SHISA5: variants seen among roughly 807,000 people sequenced by gnomAD.
SHISA5 encodes the protein protein shisa-5.
In SHISA5, 21 loss-of-function variants were observed where a neutral mutation model predicts 27.5. That is an observed-to-expected ratio of 0.76 (90% CI 0.54 to 1.10). SHISA5 has a LOEUF of 1.10. Among genes scored for constraint, SHISA5 ranks in the 50% least tolerant of loss-of-function variants. SHISA5 has a pLI of 0.00. For missense variants in SHISA5, 314 were observed against 336.3 expected (o/e 0.93, Z 0.52); for synonymous variants, 137 against 142.2 (o/e 0.96, Z 0.26).
intron 3 of SHISA5, among the ~76,000 whole-genome samples, chr3:48,474,377 C>T (rs1262300661): frequency 6.6e-6 from 1 of 151,378 alleles, no homozygotes; most frequent in Non-Finnish European, 1.5e-5. Context: ...TCTCTGTCAC[C>T]CAGGCTGGAG....
chr3:48,492,369 C>T lies in SHISA5; in HGVS notation c.233+8768G>A, dbSNP rs1398395425. Among the ~76,000 whole-genome samples, 2 of 149,892 alleles carry T rather than the reference C, an allele frequency of 1.3e-5. 1 individual carries two copies. On this transcript the variant is annotated intron_variant, in intron 2 of 5. Transcript: ENST00000296444. ...CCTGTAGTCCCAGCTACTCAAGAGG[C>T]TGAGGCAGGAGAATGGCGTGAACCC...
At chr3:48,487,701 C>T (rs1416253292) in intron 2 of SHISA5, among the ~76,000 whole-genome samples, 1 of 152,102 alleles carries the variant, frequency 6.6e-6, no homozygotes, top group Non-Finnish European at 1.5e-5. Context: ...TCAAGGCCAG[C>T]CTGGCCAACA....
Position 48,479,253 on chromosome 3 carries a change from G to A in SHISA5, c.238C>T (p.Pro80Ser). The A allele has an allele frequency of 6.2e-7, 1 of 1,606,298 alleles. No individual in the cohort carries two copies. ...TGCTCCACCGGCTCTACACTGGCAG[G>A]CACGCTGCAAACAGGAAACCTTGTG... ...ERCAVPEASV[P>S]ASVEPVEQLG... The change falls in exon 3 of 6, where the codon CCT (proline) becomes TCT (serine). Residue 80 changes from proline to serine, a missense_variant. Transcript: ENST00000296444.
At chr3:48,471,908 TA>T (rs577529955) in intron 3 of SHISA5, among the ~76,000 whole-genome samples, 233 of 150,930 alleles carry the variant, frequency 1.5e-3, no homozygotes, top group African/African-American at 5.4e-3. Context: ...AAAATAAAAA[TA>T]AAAAACTGGC....
chr3:48,502,399 G>T (rs1277721774), intron 1 of SHISA5: 1 of 456,724 alleles, frequency 2.2e-6, no homozygotes, highest in African/African-American at 2.0e-5. Flanking sequence ...CCTTCCAGGA[G>T]TTTGAGACCA....
Position 48,482,434 on chromosome 3 carries a change from T to C in SHISA5, c.234-3177A>G, listed in dbSNP as rs142957609. On this transcript the variant is annotated intron_variant, in intron 2 of 5. Transcript: ENST00000296444. ...ACAATAAATAAATAAAATAACATAA[T>C]AACATTATTTGGATTCCGATTTGGA... 1.2e-3 allele frequency among the ~76,000 whole-genome samples: 185 copies of C among 152,120 alleles called. 1 individual carries two copies. Among genetic ancestry groups the C allele is most frequent in the African/African-American group, 3.9e-3 (163 of 41,516 alleles).
intron 2 of SHISA5, among the ~76,000 whole-genome samples, chr3:48,486,709 A>G (rs2041259848): frequency 6.9e-6 from 1 of 144,702 alleles, no homozygotes; most frequent in Non-Finnish European, 1.5e-5. Flanking sequence ...CTTGATCAAC[A>G]TGGTGAAACC....
intron 2 of SHISA5, among the ~76,000 whole-genome samples, chr3:48,497,459 C>T (rs889624199): frequency 6.6e-5 from 10 of 150,658 alleles, no homozygotes; most frequent in Non-Finnish European, 1.2e-4. Flanking sequence ...GATGGGGTTT[C>T]CCCATCTTGG....
upstream of SHISA5, chr3:48,504,234 G>A: frequency 2.6e-6 from 1 of 387,804 alleles, no homozygotes; most frequent in Non-Finnish European, 4.5e-6. This position sits in a 1 kb window ranked among gnomAD's most constrained non-coding sequence, Gnocchi z 4.0. Flanking sequence ...GTCCGGGGGA[G>A]CAGGAGGAGG....
At chr3:48,491,104 T>C (rs935400601) in intron 2 of SHISA5, among the ~76,000 whole-genome samples, 4 of 132,302 alleles carry the variant, frequency 3.0e-5, no homozygotes, top group Admixed American at 2.4e-4. Context: ...CCCACCTTTC[T>C]GGACCAAACC....
At chr3:48,486,334 AATAT>A in intron 2 of SHISA5, among the ~76,000 whole-genome samples, 1 of 88,196 alleles carries the variant, frequency 1.1e-5, no homozygotes, top group Non-Finnish European at 1.9e-5. Flanking sequence ...TATGTTATAT[AATAT>A]ATAATGATAA....
intron 2 of SHISA5, among the ~76,000 whole-genome samples, chr3:48,481,545 C>T (rs1256650874): frequency 6.6e-6 from 1 of 151,774 alleles, no homozygotes; most frequent in African/African-American, 2.4e-5. Context: ...AATAACAGCA[C>T]TTTGGGAGGC....
chr3:48,483,864 G>A (rs1381865216), intron 2 of SHISA5, among the ~76,000 whole-genome samples: 1 of 151,976 alleles, frequency 6.6e-6, no homozygotes, highest in Non-Finnish European at 1.5e-5. Context: ...CGGGCGGGGG[G>A]CTGACCCCAC....
At chr3:48,481,790 G>A (rs554537608) in intron 2 of SHISA5, among the ~76,000 whole-genome samples, 6 of 145,234 alleles carry the variant, frequency 4.1e-5, no homozygotes, top group East Asian at 2.1e-4. Context: ...TGTCTCGGCC[G>A]GGTGCAGTGG....
intron 3 of SHISA5, among the ~76,000 whole-genome samples, chr3:48,471,866 C>T (rs894695711): frequency 1.3e-5 from 2 of 151,634 alleles, no homozygotes; most frequent in South Asian, 4.2e-4. Context: ...GCAACAAAAG[C>T]GAAACTCCAT....
chr3:48,469,307 T>C lies in SHISA5; in HGVS notation c.643+54A>G. ...TAGTTTGGGATGGGTGCCCGAGGGA[T>C]GCTGGCAGAGACTCGGGAAGTCGGG... On this transcript the variant is annotated intron_variant, in intron 5 of 5. Coordinates refer to ENST00000296444, the MANE Select transcript of SHISA5 (RefSeq NM_016479.6). This position sits in a 1 kb window ranked among gnomAD's most constrained non-coding sequence, Gnocchi z 4.6. 1.3e-6 allele frequency: 2 copies of C among 1,565,386 alleles called. No homozygotes were observed. Among genetic ancestry groups the C allele is most frequent in the Non-Finnish European group, 1.7e-6 (2 of 1,153,786 alleles).
At chr3:48,480,491 T>A (rs983847102) in intron 2 of SHISA5, among the ~76,000 whole-genome samples, 1 of 152,138 alleles carries the variant, frequency 6.6e-6, no homozygotes, top group Non-Finnish European at 1.5e-5. Context: ...GGGAGATTTG[T>A]ATCTTTAATA....
chr3:48,468,040 T>C lies in SHISA5; in HGVS notation c.*1067A>G. 1 of 595,112 alleles carries C rather than the reference T, an allele frequency of 1.7e-6. No homozygotes were observed. 36.9% of individuals were successfully genotyped at this position (595,112 alleles called of 1,614,324 possible). A position where few individuals can be genotyped will look rare whatever the true frequency, so the allele number is the denominator to read the frequency against. On this transcript the variant is annotated 3_prime_UTR_variant, in exon 6 of 6. Coordinates refer to ENST00000296444, the MANE Select transcript of SHISA5 (RefSeq NM_016479.6). ...CATCCAGGGCCCCACACCCCACCTT[T>C]GGTCCAGATGGCCCATTGGCCCAGG... is the stretch of plus-strand genomic sequence containing the variant.
intron 2 of SHISA5, among the ~76,000 whole-genome samples, chr3:48,498,496 G>T (rs919740789): frequency 1.3e-5 from 2 of 152,012 alleles, no homozygotes; most frequent in Non-Finnish European, 2.9e-5. Flanking sequence ...AGACCAACCT[G>T]GGCAACACAG....
Sources: gnomAD v4.1 joint callset for allele counts (sites outside exome capture counted in the v4.1 genomes callset) on GRCh38, gnomAD v4.1.1 for gene constraint, Gnocchi (gnomAD v3.1) non-coding constraint, MANE v1.5 for transcripts, NCBI Gene and HGNC (gene_info 2026-07-23, HGNC 2026-07-21) for gene names.